The following SNX29 variants were observed in gnomAD, a reference collection of about 807,000 sequenced individuals.
The protein encoded by SNX29 is sorting nexin-29.
In SNX29, 78 loss-of-function variants were observed where a neutral mutation model predicts 102.1. The observed-to-expected ratio is 0.76, with a 90% confidence interval of 0.64 to 0.92. SNX29 has a LOEUF of 0.92. Ranked by LOEUF, SNX29 falls within the 40% of genes least tolerant of loss-of-function variation. The probability of loss-of-function intolerance (pLI) is 0.00; values close to 1 mark genes in which losing one functional copy is unlikely to be tolerated. For synonymous variants in SNX29, 580 were observed against 414.5 expected, an observed-to-expected ratio of 1.40 and a Z score of -4.85; for missense variants, 1,280 against 1,061.7, an observed-to-expected ratio of 1.21 and a Z score of -2.86.
chr16:12,498,864 G>A (rs1057414882), intron 19 of SNX29, among the ~76,000 whole-genome samples: 1 of 152,170 alleles, frequency 6.6e-6, no homozygotes, highest in African/African-American at 2.4e-5. Flanking sequence ...AGATGAGGAT[G>A]TAAGTAGAGA....
chr16:12,422,258 C>T (rs1297129682), intron 18 of SNX29, among the ~76,000 whole-genome samples: 1 of 152,126 alleles, frequency 6.6e-6, no homozygotes, highest in Non-Finnish European at 1.5e-5. Context: ...CTCAGGTTAC[C>T]CATCTGCAAA....
chr16:12,560,523 C>T (rs567388393), intron 20 of SNX29, among the ~76,000 whole-genome samples: 70 of 152,290 alleles, frequency 4.6e-4, no homozygotes, highest in African/African-American at 1.5e-3. Context: ...CTCCACCTTC[C>T]AAGACCATTT....
rs1213696191 is a variant in SNX29 at position 12,184,404 on chromosome 16, G to A, written c.1596-15197G>A. On this transcript the variant is annotated intron_variant, in intron 13 of 20. Transcript: ENST00000566228. ...GGGCTGTAGAAACTAGGCAGGCCCA[G>A]AGTTGTTGGTTTTCAGGAGGTCATG... 2.0e-5 allele frequency among the ~76,000 whole-genome samples: 3 copies of A among 152,242 alleles called. No homozygotes were observed. The East Asian group carries it at 5.8e-4, about 29-fold the overall frequency.
At chr16:12,018,977 T>C (rs1478222236) in intron 3 of SNX29, among the ~76,000 whole-genome samples, 1 of 151,804 alleles carries the variant, frequency 6.6e-6, no homozygotes, top group Non-Finnish European at 1.5e-5. Flanking sequence ...TTTTATTTAA[T>C]ATTACAATCT....
intron 15 of SNX29, among the ~76,000 whole-genome samples, chr16:12,304,084 C>T (rs561740265): frequency 6.6e-6 from 1 of 152,278 alleles, no homozygotes; most frequent in South Asian, 2.1e-4. Context: ...ATGATTTCTA[C>T]CTGAGAGAAA....
intron 13 of SNX29, among the ~76,000 whole-genome samples, chr16:12,178,386 G>T (rs927532816): frequency 1.3e-5 from 2 of 152,172 alleles, no homozygotes; most frequent in African/African-American, 4.8e-5. Context: ...GCTCATTGGA[G>T]TGTGATGCTG....
chr16:12,045,926 G>T (rs1287737205), intron 5 of SNX29, among the ~76,000 whole-genome samples: 4 of 151,970 alleles, frequency 2.6e-5, no homozygotes, highest in Non-Finnish European at 5.9e-5. Context: ...GCCTGGCCAA[G>T]GCAGGCATTA....
At chr16:12,483,615 C>T (rs2088081860) in intron 19 of SNX29, among the ~76,000 whole-genome samples, 1 of 152,128 alleles carries the variant, frequency 6.6e-6, no homozygotes, top group African/African-American at 2.4e-5. Context: ...ACATCTGGCC[C>T]ATTAACTTTT....
intron 13 of SNX29, among the ~76,000 whole-genome samples, chr16:12,130,504 C>A (rs894266347): frequency 6.9e-6 from 1 of 144,172 alleles, no homozygotes; most frequent in Non-Finnish European, 1.5e-5. Context: ...AAAAAGATAG[C>A]GACTAAAGCA....
chr16:12,310,333 G>A (rs1330515585), intron 15 of SNX29, among the ~76,000 whole-genome samples: 1 of 152,228 alleles, frequency 6.6e-6, no homozygotes, highest in Admixed American at 6.5e-5. Context: ...TTATCCTAGA[G>A]AAAAGGAAAT....
chr16:12,008,343 C>T (rs565383160), intron 3 of SNX29, among the ~76,000 whole-genome samples: 2 of 152,246 alleles, frequency 1.3e-5, no homozygotes, highest in East Asian at 3.9e-4. Flanking sequence ...GATCTTGGCT[C>T]ACCGCAACCT....
intron 19 of SNX29, among the ~76,000 whole-genome samples, chr16:12,493,316 T>C (rs910226496): frequency 6.6e-6 from 1 of 152,228 alleles, no homozygotes; most frequent in Admixed American, 6.5e-5. Flanking sequence ...GGGAGTTCAC[T>C]CATGATTTGG....
chr16:12,231,413 A>G (rs902553494), intron 14 of SNX29, among the ~76,000 whole-genome samples: 5 of 152,224 alleles, frequency 3.3e-5, no homozygotes, highest in Non-Finnish European at 5.9e-5. Flanking sequence ...TTAATCGTCT[A>G]TCACAAAGCC....
chr16:12,431,580 C>T (rs1008437810), intron 18 of SNX29, among the ~76,000 whole-genome samples: 1 of 151,324 alleles, frequency 6.6e-6, no homozygotes, highest in Non-Finnish European at 1.5e-5. Flanking sequence ...AAACTCATTC[C>T]CTTAAAAAAA....
At chr16:12,425,237 G>T (rs1021163153) in intron 18 of SNX29, among the ~76,000 whole-genome samples, 1 of 152,158 alleles carries the variant, frequency 6.6e-6, no homozygotes, top group Non-Finnish European at 1.5e-5. Flanking sequence ...GAAAGTGAGG[G>T]GTCAGGAGAG....
chr16:12,336,004 G>T (rs543990346), intron 15 of SNX29, among the ~76,000 whole-genome samples: 6 of 152,160 alleles, frequency 3.9e-5, no homozygotes, highest in Non-Finnish European at 7.4e-5. Flanking sequence ...AGTCTGTCTG[G>T]GTCTGTGTTT....
At chr16:12,299,713 C>A (rs978858522) in intron 15 of SNX29, among the ~76,000 whole-genome samples, 2 of 151,798 alleles carry the variant, frequency 1.3e-5, no homozygotes, top group Non-Finnish European at 1.5e-5. Context: ...CTTTCCCCCA[C>A]CCCATCCCTT....
At chr16:12,249,617 C>T (rs1292507222) in intron 14 of SNX29, among the ~76,000 whole-genome samples, 7 of 152,210 alleles carry the variant, frequency 4.6e-5, no homozygotes, top group African/African-American at 1.4e-4. Flanking sequence ...TTCATGTAAC[C>T]ACTCTCTATT....
At chr16:12,079,247 G>C (rs1390458333) in intron 11 of SNX29, among the ~76,000 whole-genome samples, 1 of 152,230 alleles carries the variant, frequency 6.6e-6, no homozygotes, top group Non-Finnish European at 1.5e-5. Context: ...AACTCTGAAG[G>C]ACTCATTTTT....
Sources: allele counts gnomAD v4.1 joint callset (sites outside exome capture counted in the v4.1 genomes callset), GRCh38; gene constraint gnomAD v4.1.1; transcripts MANE v1.5; gene names NCBI Gene and HGNC (gene_info 2026-07-23, HGNC 2026-07-21).